Variants in TTLL5 observed in about 807,000 individuals in gnomAD.
The protein encoded by TTLL5 is tubulin tyrosine ligase like 5.
Under a neutral mutation model 168.4 loss-of-function variants are expected in TTLL5, and 132 were observed. The observed-to-expected ratio is 0.78, with a 90% CI of 0.68 to 0.91. The LOEUF is 0.91. Ranked by LOEUF, TTLL5 falls within the 40% of genes least tolerant of loss-of-function variation. TTLL5 has a pLI of 0.00. For synonymous variants in TTLL5, 546 were observed against 558.6 expected, an observed-to-expected ratio of 0.98 and a Z score of 0.32; for missense variants, 1,545 against 1,581.5, an observed-to-expected ratio of 0.98 and a Z score of 0.39.
At chr14:75,785,106 A>T (rs1229276073) in intron 26 of TTLL5, among the ~76,000 whole-genome samples, 1 of 134,546 alleles carries the variant, frequency 7.4e-6, no homozygotes, top group Non-Finnish European at 1.6e-5. Flanking sequence ...TTTTTTTTCT[A>T]TTGTCACTTG....
rs993722999 is a variant in TTLL5 at position 75,793,037 on chromosome 14, A to G, written c.3108A>G (p.Leu1036=). ...QSMVTAELQR[L]AEKQAARQYS... is the part of the protein sequence containing the mutation. The stretch of plus-strand genomic sequence containing the variant: ...TGGTTACAGCTGAACTTCAGCGGCT[A>G]GCTGAGAAGCAGGCAGCGAGACAGT... Residue 1036 remains leucine, a synonymous_variant, in exon 27 of 32, where the codon CTA becomes CTG. Coordinates refer to ENST00000298832, the MANE Select transcript of TTLL5 (RefSeq NM_015072.5). The G allele has an allele frequency of 6.2e-7, 1 of 1,613,912 alleles. No individual in the cohort carries two copies. The highest frequency in any genetic ancestry group is 8.5e-7 in the Non-Finnish European group (1 of 1,179,824).
At chr14:75,939,027 C>T (rs1262107715) in intron 31 of TTLL5, among the ~76,000 whole-genome samples, 1 of 152,200 alleles carries the variant, frequency 6.6e-6, no homozygotes, top group Non-Finnish European at 1.5e-5. Context: ...CCCTTCCCAA[C>T]TCTGCCTTCA....
intron 28 of TTLL5, among the ~76,000 whole-genome samples, chr14:75,857,642 CTT>C (rs371117692): frequency 3.4e-4 from 45 of 132,420 alleles, no homozygotes; most frequent in Admixed American, 6.8e-4. Context: ...TGATAGAATT[CTT>C]TTTTTTTTTT....
At chr14:75,698,182 T>TC (rs1166840465) in intron 6 of TTLL5, among the ~76,000 whole-genome samples, 1 of 152,170 alleles carries the variant, frequency 6.6e-6, no homozygotes, top group Non-Finnish European at 1.5e-5. Flanking sequence ...CCTGCTTCTC[T>TC]CCCCTGACTT....
chr14:75,883,827 G>T (rs1396131582), intron 30 of TTLL5, among the ~76,000 whole-genome samples: 3 of 152,206 alleles, frequency 2.0e-5, no homozygotes, highest in African/African-American at 4.8e-5. Flanking sequence ...CTCTGGAGTA[G>T]TAGGAAAGGG....
intron 15 of TTLL5, among the ~76,000 whole-genome samples, chr14:75,739,590 G>T (rs1352166633): frequency 1.3e-5 from 2 of 152,064 alleles, no homozygotes; most frequent in Non-Finnish European, 2.9e-5. Context: ...ACCAGAAATT[G>T]TATGGCATGG....
intron 29 of TTLL5, among the ~76,000 whole-genome samples, chr14:75,865,348 T>G (rs2030425895): frequency 6.6e-6 from 1 of 152,054 alleles, no homozygotes; most frequent in Non-Finnish European, 1.5e-5. Context: ...TACTTGAGAA[T>G]GCCAACTTAA....
chr14:75,699,254 T>C lies in TTLL5; in HGVS notation c.569T>C (p.Val190Ala). The change falls in exon 7 of 32, where the codon GTC (valine) becomes GCC (alanine). Residue 190 changes from valine to alanine, a missense_variant. Transcript: ENST00000298832. ...KPVASSRGRG[V>A]YLINNPNQIS... ...GTGGCATCTTCAAGGGGGCGGGGCG[T>C]CTACCTGATCAACAATGTAAGTATG... The C allele has an allele frequency of 6.2e-7, 1 of 1,613,942 alleles. No homozygotes were observed. Among genetic ancestry groups the C allele is most frequent in the Admixed American group, 1.7e-5 (1 of 60,002 alleles).
chr14:75,700,233 G>C (rs1425883924), intron 7 of TTLL5, among the ~76,000 whole-genome samples: 1 of 152,184 alleles, frequency 6.6e-6, no homozygotes, highest in Non-Finnish European at 1.5e-5. Context: ...GTGATCATCA[G>C]GTGATGGTCA....
chr14:75,707,734 G>C, intron 9 of TTLL5, 27 bp downstream of exon 9: 1 of 1,190,846 alleles, frequency 8.4e-7, no homozygotes, highest in Middle Eastern at 2.0e-4. Flanking sequence ...GGGTGAAGGG[G>C]TTGGGTGGGT....
At chr14:75,763,035 G>A (rs1890749069) in intron 18 of TTLL5, among the ~76,000 whole-genome samples, 1 of 152,090 alleles carries the variant, frequency 6.6e-6, no homozygotes, top group South Asian at 2.1e-4. Context: ...ATTGGAGAGA[G>A]AGTTTGTGTG....
In TTLL5 at chr14:75,882,532, C is replaced by T. The variant is rs192029525; in HGVS notation, c.3523-153C>T. ...TTCCCCTTCTCTGAATCTAGAGCTG[C>T]ACTGGCAACATTAGAGAAGTTTTTC... is the stretch of plus-strand genomic sequence containing the variant. On this transcript the variant is annotated intron_variant, in intron 29 of 31. Transcript: ENST00000298832. 1.9e-3 allele frequency among the ~76,000 whole-genome samples: 292 copies of T among 152,206 alleles called. 2 individuals carry two copies. Among genetic ancestry groups the T allele is most frequent in the African/African-American group, 6.8e-3 (282 of 41,530 alleles).
intron 13 of TTLL5, 103 bp from the exon 14 acceptor site, chr14:75,733,886 C>G (rs1463426068): frequency 1.9e-6 from 2 of 1,034,566 alleles, no homozygotes; most frequent in Non-Finnish European, 2.9e-6. Flanking sequence ...TGTTGCTCTT[C>G]ATTGACATTT....
At chr14:75,873,365 C>T (rs1410243514) in intron 29 of TTLL5, among the ~76,000 whole-genome samples, 3 of 152,204 alleles carry the variant, frequency 2.0e-5, no homozygotes, top group Non-Finnish European at 4.4e-5. Flanking sequence ...TGAGCCACCA[C>T]GCCCGGCCCT....
Position 75,782,705 on chromosome 14 carries a change from T to C in TTLL5, c.2602+132T>C, listed in dbSNP as rs545662183. 489 of 817,892 alleles carry C rather than the reference T, an allele frequency of 6.0e-4. 1 individual carries two copies. The African/African-American group carries it at 8.2e-3, about 14-fold the overall frequency. The allele number at this position is 817,892 out of a possible 1,614,324, so 50.7% of individuals were successfully genotyped here. A position where few individuals can be genotyped will look rare whatever the true frequency, so the allele number is the denominator to read the frequency against. On this transcript the variant is annotated intron_variant, in intron 25 of 31. Transcript: ENST00000298832. ...AAAGAAATATTTTTCTTTTTCCTTTTCCCTTAGAATTTTCTCTTATCTATT... is the reference window on the plus strand; with the variant it reads ...AAAGAAATATTTTTCTTTTTCCTTTCCCCTTAGAATTTTCTCTTATCTATT...
intron 28 of TTLL5, among the ~76,000 whole-genome samples, chr14:75,844,945 C>T (rs1428726116): frequency 6.6e-6 from 1 of 152,206 alleles, no homozygotes. Context: ...CAGCATCTCT[C>T]CACCCTCCAC....
At chr14:75,751,526 G>A (rs1014345925) in intron 17 of TTLL5, among the ~76,000 whole-genome samples, 2 of 152,182 alleles carry the variant, frequency 1.3e-5, no homozygotes, top group Non-Finnish European at 2.9e-5. Context: ...TTCCTGGTGG[G>A]AAAGAGCAGA....
chr14:75,731,808 A>G (rs1888562088), intron 12 of TTLL5, among the ~76,000 whole-genome samples: 1 of 152,180 alleles, frequency 6.6e-6, no homozygotes, highest in Non-Finnish European at 1.5e-5. Context: ...ATACATTTAT[A>G]TGTCTTCTTG....
chr14:75,687,355 C>G (rs1164168690), intron 5 of TTLL5, among the ~76,000 whole-genome samples: 1 of 152,056 alleles, frequency 6.6e-6, no homozygotes, highest in Non-Finnish European at 1.5e-5. Flanking sequence ...TTCACTGCAA[C>G]CTCTGCCTCC....
Sources: allele counts gnomAD v4.1 joint callset (sites outside exome capture counted in the v4.1 genomes callset), GRCh38; gene constraint gnomAD v4.1.1; transcripts MANE v1.5; gene names NCBI Gene and HGNC (gene_info 2026-07-23, HGNC 2026-07-21).